SGPL1: variants seen among roughly 807,000 people sequenced by gnomAD.
The protein encoded by SGPL1 is sphingosine-1-phosphate lyase 1.
In SGPL1, 37 loss-of-function variants were observed where a neutral mutation model predicts 68.9. The ratio of observed to expected loss-of-function variants is 0.54; its 90% confidence interval spans 0.41 to 0.71. SGPL1 has a LOEUF of 0.71. Ranked by LOEUF, SGPL1 falls within the 30% of genes least tolerant of loss-of-function variation. The pLI is 0.00. For missense variants in SGPL1, 551 were observed against 704.6 expected, an observed-to-expected ratio of 0.78 and a Z score of 2.47; for synonymous variants, 236 against 248.5, an observed-to-expected ratio of 0.95 and a Z score of 0.47.
rs575734890 is a variant in SGPL1 at position 70,850,230 on chromosome 10, G to T, written c.194-913G>T. On this transcript the variant is annotated intron_variant, in intron 3 of 14. Transcript: ENST00000373202. ...GGGTCTCACTGTGTTGCCCAGGCTG[G>T]TCTCACCCTCCTGTGCTCAAGCAGT... 3.0e-3 allele frequency among the ~76,000 whole-genome samples: 461 copies of T among 152,172 alleles called. 1 individual carries two copies. The highest frequency in any genetic ancestry group is 0.01 in the African/African-American group (419 of 41,518).
At chr10:70,817,536 C>G (rs986823073) in intron 2 of SGPL1, among the ~76,000 whole-genome samples, 1 of 152,202 alleles carries the variant, frequency 6.6e-6, no homozygotes, top group Non-Finnish European at 1.5e-5. Flanking sequence ...ACTCCCACTT[C>G]AAGTGATCCT....
chr10:70,837,476 G>A (rs1229724203), intron 2 of SGPL1, among the ~76,000 whole-genome samples: 2 of 152,166 alleles, frequency 1.3e-5, no homozygotes, highest in Non-Finnish European at 2.9e-5. Context: ...TGTAATCAGA[G>A]GGTCACCAAA....
intron 3 of SGPL1, among the ~76,000 whole-genome samples, chr10:70,845,143 T>C (rs1289523429): frequency 2.0e-5 from 3 of 152,150 alleles, no homozygotes; most frequent in Admixed American, 6.5e-5. Context: ...ACTCCTTACA[T>C]TGATTTTTTT....
At chr10:70,821,140 A>T (rs1261901687) in intron 2 of SGPL1, among the ~76,000 whole-genome samples, 1 of 152,208 alleles carries the variant, frequency 6.6e-6, no homozygotes, top group Admixed American at 6.5e-5. Context: ...GTGATGTGTC[A>T]TAGACTGCAG....
chr10:70,818,675 C>T (rs1297265739), intron 2 of SGPL1, among the ~76,000 whole-genome samples: 1 of 152,068 alleles, frequency 6.6e-6, no homozygotes, highest in Admixed American at 6.5e-5. Context: ...AGGCAGGGAT[C>T]TAGGATAATT....
chr10:70,835,837 T>G (rs892046165), intron 2 of SGPL1, among the ~76,000 whole-genome samples: 2 of 151,992 alleles, frequency 1.3e-5, no homozygotes, highest in East Asian at 3.9e-4. Context: ...GACTCTATAA[T>G]GAAGCTATAG....
At chr10:70,868,552 C>A in intron 8 of SGPL1, 119 bp downstream of exon 8, 1 of 776,318 alleles carries the variant, frequency 1.3e-6, no homozygotes, top group Non-Finnish European at 2.2e-6. Context: ...AATTCTGGTC[C>A]CCTTTCCCCC....
Position 70,836,494 on chromosome 10 carries a change from TTTC to T in SGPL1, c.28-7976_28-7974del, listed in dbSNP as rs545363790. 5.0e-4 allele frequency among the ~76,000 whole-genome samples: 76 copies of T among 152,238 alleles called. No homozygotes were observed. In the South Asian group the frequency reaches 0.016, roughly 31 times the overall value. On this transcript the variant is annotated intron_variant, in intron 2 of 14. Coordinates refer to ENST00000373202, the MANE Select transcript of SGPL1 (RefSeq NM_003901.4). ...AGAGTGATACTGCACACTGGTTTCT[TTTC>T]TTTTCTTTTTCCCCTTCCTTTCCTT... is the stretch of plus-strand genomic sequence containing the variant.
At chr10:70,850,283 G>T (rs1178666017) in intron 3 of SGPL1, among the ~76,000 whole-genome samples, 1 of 152,162 alleles carries the variant, frequency 6.6e-6, no homozygotes, top group Admixed American at 6.5e-5. Flanking sequence ...CCACAGTGCT[G>T]GGATTAGAGG....
intron 2 of SGPL1, among the ~76,000 whole-genome samples, chr10:70,831,598 A>G (rs1845536574): frequency 6.6e-6 from 1 of 152,212 alleles, no homozygotes; most frequent in Non-Finnish European, 1.5e-5. Context: ...GCATGGGGCA[A>G]GGTATAGGGG....
chr10:70,866,723 T>A (rs1846195727), intron 7 of SGPL1: 1 of 152,224 alleles, frequency 6.6e-6, no homozygotes, highest in African/African-American at 2.4e-5. Flanking sequence ...CTTTGTCTTC[T>A]GCAGCGTAGA....
chr10:70,851,057 G>A (rs1274405513), intron 3 of SGPL1, 86 bp from the exon 4 acceptor site: 5 of 1,001,378 alleles, frequency 5.0e-6, no homozygotes, highest in Non-Finnish European at 6.2e-6. Context: ...AGGCAAGTGA[G>A]GTGGAAGACA....
At position 70,848,667 on chromosome 10, in the gene SGPL1, G is replaced by T. The variant is rs534365635; in HGVS notation, c.194-2476G>T. ...TTTAGTAGAGACAGGGTTTCACCAT[G>T]TTGGTCAGGCTGGTCTTGAACTCTG... On this transcript the variant is annotated intron_variant, in intron 3 of 14. Transcript: ENST00000373202. Among the ~76,000 whole-genome samples, 6 of 152,160 alleles carry T rather than the reference G, an allele frequency of 3.9e-5. No individual in the cohort carries two copies. The South Asian group carries it at 1.2e-3, about 32-fold the overall frequency.
chr10:70,868,681 TA>T (rs1846238661), intron 8 of SGPL1, among the ~76,000 whole-genome samples: 1 of 141,966 alleles, frequency 7.0e-6, no homozygotes, highest in Non-Finnish European at 1.5e-5. Context: ...TAGTATATAC[TA>T]CAAGCAAAAA....
At chr10:70,862,183 A>G (rs189939872) in intron 7 of SGPL1, among the ~76,000 whole-genome samples, 1 of 152,252 alleles carries the variant, frequency 6.6e-6, no homozygotes, top group African/African-American at 2.4e-5. Flanking sequence ...AAATACACCA[A>G]TCGGCACTCT....
At chr10:70,847,433 G>A (rs1285492980) in intron 3 of SGPL1, among the ~76,000 whole-genome samples, 1 of 152,118 alleles carries the variant, frequency 6.6e-6, no homozygotes, top group Non-Finnish European at 1.5e-5. Context: ...ACAGGCCTGA[G>A]CCACCATGCC....
Position 70,878,395 on chromosome 10 carries a change from G to C in SGPL1, c.*1060G>C, listed in dbSNP as rs1846437566. 1 of 152,234 alleles carries C rather than the reference G, an allele frequency of 6.6e-6. No individual in the cohort carries two copies. 9.4% of individuals were successfully genotyped at this position (152,234 alleles called of 1,614,324 possible). A position where few individuals can be genotyped will look rare whatever the true frequency, so the allele number is the denominator to read the frequency against. Reference sequence around the variant, plus strand: ...GGCTTTTTCTTGTTACCATGGACTAGGAAGAAAACATGGTTTCCAAATAAT... The same window carrying C: ...GGCTTTTTCTTGTTACCATGGACTACGAAGAAAACATGGTTTCCAAATAAT... On this transcript the variant is annotated 3_prime_UTR_variant, in exon 15 of 15. Coordinates refer to ENST00000373202, the MANE Select transcript of SGPL1 (RefSeq NM_003901.4).
chr10:70,828,937 T>C (rs1845484872), intron 2 of SGPL1, among the ~76,000 whole-genome samples: 1 of 152,162 alleles, frequency 6.6e-6, no homozygotes, highest in Non-Finnish European at 1.5e-5. Flanking sequence ...GTTTTCACAT[T>C]CTTCTGAAAG....
At chr10:70,857,571 G>T in intron 5 of SGPL1, 43 bp from the exon 6 acceptor site, 1 of 1,494,910 alleles carries the variant, frequency 6.7e-7, no homozygotes, top group East Asian at 2.3e-5. Flanking sequence ...TGTCTTCCCA[G>T]AGATTCTTGC....
Sources: allele counts gnomAD v4.1 joint callset (sites outside exome capture counted in the v4.1 genomes callset), GRCh38; gene constraint gnomAD v4.1.1; transcripts MANE v1.5; gene names NCBI Gene and HGNC (gene_info 2026-07-23, HGNC 2026-07-21).